NUMA1: variants seen among roughly 807,000 people sequenced by gnomAD.
NUMA1 encodes the protein nuclear mitotic apparatus protein 1, also known as SP-H antigen.
In NUMA1, 62 loss-of-function variants were observed where a neutral mutation model predicts 237.1. The observed-to-expected ratio is 0.26, with a 90% CI of 0.21 to 0.32. The LOEUF (loss-of-function observed/expected upper bound fraction) is 0.32. Ranked by LOEUF, NUMA1 falls within the 10% of genes least tolerant of loss-of-function variation. The pLI, the probability that NUMA1 is intolerant of heterozygous loss-of-function variation, is 1.00. For synonymous variants in NUMA1, 1,028 were observed against 1,066.1 expected, an observed-to-expected ratio of 0.96 and a Z score of 0.70; for missense variants, 2,533 against 2,666.5, an observed-to-expected ratio of 0.95 and a Z score of 1.10.
At chr11:72,067,494 A>C (rs1300887631) in intron 2 of NUMA1, 1 of 152,230 alleles carries the variant, frequency 6.6e-6, no homozygotes, top group Admixed American at 6.5e-5. Context: ...TCTCAGGACC[A>C]ACATGTCCTG....
chr11:72,020,026 C>T (rs991936883), intron 8 of NUMA1, among the ~76,000 whole-genome samples: 1 of 152,192 alleles, frequency 6.6e-6, no homozygotes, highest in Non-Finnish European at 1.5e-5. Context: ...TGGAATTCAT[C>T]CCCCCTGAAG....
chr11:72,018,598 G>T, intron 10 of NUMA1, 85 bp from the exon 11 acceptor site: 1 of 1,251,690 alleles, frequency 8.0e-7, no homozygotes. Context: ...GTGCACAAGG[G>T]GAAGGGAGGA....
chr11:72,023,751 T>C (rs952044466), intron 5 of NUMA1, among the ~76,000 whole-genome samples: 1 of 152,078 alleles, frequency 6.6e-6, no homozygotes, highest in Non-Finnish European at 1.5e-5. Context: ...GTGTTCTTAT[T>C]TAATCCACCC....
chr11:72,032,313 G>A (rs1346066817), intron 3 of NUMA1, among the ~76,000 whole-genome samples: 1 of 151,974 alleles, frequency 6.6e-6, no homozygotes, highest in Admixed American at 6.6e-5. Context: ...AATCTAATTG[G>A]TCAGGACAGG....
rs575927597 is a variant in NUMA1, at chr11:72,016,776, G to C, written c.1120-246C>G. Reference sequence around the variant, plus strand: ...CTTACTACTTCCCCAAGGCTGCTGAGTTTACTTCAAATTTCCTTACCGTAT... The same window carrying C: ...CTTACTACTTCCCCAAGGCTGCTGACTTTACTTCAAATTTCCTTACCGTAT... On this transcript the variant is annotated intron_variant, in intron 13 of 26. Transcript: ENST00000393695. 1.0e-5 allele frequency: 5 copies of C among 484,794 alleles called. No homozygotes were observed. The South Asian group carries it at 1.3e-4, about 13-fold the overall frequency. 30.0% of individuals were successfully genotyped at this position (484,794 alleles called of 1,614,324 possible). A position where few individuals can be genotyped will look rare whatever the true frequency, so the allele number is the denominator to read the frequency against.
At chr11:72,069,691 C>T (rs1943360554) in intron 2 of NUMA1, among the ~76,000 whole-genome samples, 151 bp downstream of exon 2, 1 of 152,178 alleles carries the variant, frequency 6.6e-6, no homozygotes, top group Non-Finnish European at 1.5e-5. Context: ...CTCTGCTCTC[C>T]TCCTACAGTA....
intron 2 of NUMA1, chr11:72,040,487 CACACACACACACACACACACACACTG>C (rs1321030877): frequency 4.6e-5 from 7 of 152,410 alleles, no homozygotes; most frequent in African/African-American, 5.1e-5. Context: ...CACACACACA[CACACACACACACACACACACACACTG>C]ACCTGGGCCC....
At chr11:72,043,958 TAAAC>T (rs1157092285) in intron 2 of NUMA1, among the ~76,000 whole-genome samples, 10 of 152,088 alleles carry the variant, frequency 6.6e-5, no homozygotes, top group African/African-American at 2.4e-4. Flanking sequence ...GACAGATAGA[TAAAC>T]AGAGAGACAG....
chr11:72,062,274 A>G (rs1473255717), intron 2 of NUMA1, among the ~76,000 whole-genome samples: 1 of 152,098 alleles, frequency 6.6e-6, no homozygotes, highest in Non-Finnish European at 1.5e-5. Flanking sequence ...CATTTAGGTA[A>G]TATCAGTGAT....
chr11:72,012,341 A>G (rs1323863622), intron 16 of NUMA1, 60 bp downstream of exon 16: 3 of 1,538,784 alleles, frequency 1.9e-6, no homozygotes, highest in African/African-American at 2.7e-5. Context: ...AGCCGGGCTC[A>G]TGCACCAAGA....
rs533942972 is a variant in NUMA1, at chr11:72,035,787, T to C, written c.42+115A>G. 22 of 923,270 alleles carry C rather than the reference T, an allele frequency of 2.4e-5. No homozygotes were observed. In the African/African-American group the frequency reaches 2.8e-4, roughly 12 times the overall value. 57.2% of individuals were successfully genotyped at this position (923,270 alleles called of 1,614,324 possible). A position where few individuals can be genotyped will look rare whatever the true frequency, so the allele number is the denominator to read the frequency against. ...TTCCATGCTGTCTAAAGGAAAACTA[T>C]TTAGTCTAGAAATGAGAAGACTTTA... On this transcript the variant is annotated intron_variant, in intron 3 of 26. Coordinates refer to ENST00000393695, the MANE Select transcript of NUMA1 (RefSeq NM_006185.4).
Position 72,013,771 on chromosome 11 carries a change from C to T in NUMA1, c.3732G>A (p.Lys1244=), listed in dbSNP as rs2134952015. The T allele has an allele frequency of 1.2e-6, 2 of 1,610,188 alleles. No homozygotes were observed. The highest frequency in any genetic ancestry group is 2.2e-5 in the South Asian group (2 of 91,084). The change falls in exon 15 of 27, where the codon AAG becomes AAA. Residue 1244 remains lysine (K), a synonymous_variant. Transcript: ENST00000393695. This position sits in a 1 kb window ranked among gnomAD's most constrained non-coding sequence, Gnocchi z 6.8. ...VSILNRQVLE[K]EGESKELKRL... ...GCTTCAACTCCTTGCTCTCCCCCTCCTTCTCCAGGACCTGGCGATTCAGGA... is the reference window on the plus strand; with the variant it reads ...GCTTCAACTCCTTGCTCTCCCCCTCTTTCTCCAGGACCTGGCGATTCAGGA...
rs77118379 is a variant in NUMA1 at position 72,012,755 on chromosome 11, C to T, written c.4608+140G>A. The T allele has an allele frequency of 4.8e-3, 6,029 of 1,244,760 alleles. 222 individuals are homozygous for T. In the African/African-American group the frequency reaches 0.082, roughly 17 times the overall value. 77.1% of individuals were successfully genotyped at this position (1,244,760 alleles called of 1,614,324 possible). A position where few individuals can be genotyped will look rare whatever the true frequency, so the allele number is the denominator to read the frequency against. ...AACAGACTTGAACTCCACCAGCCACCTCTCCTTTTCTGCCACCCAGTGAAT... is the reference window on the plus strand; with the variant it reads ...AACAGACTTGAACTCCACCAGCCACTTCTCCTTTTCTGCCACCCAGTGAAT... On this transcript the variant is annotated intron_variant, in intron 15 of 26. Transcript: ENST00000393695.
chr11:72,035,496 C>T (rs1940912098), intron 3 of NUMA1, among the ~76,000 whole-genome samples: 1 of 150,274 alleles, frequency 6.7e-6, no homozygotes. Context: ...CAACCTCCGC[C>T]TCCCGGGTTC....
At chr11:72,060,246 T>C (rs930712265) in intron 2 of NUMA1, among the ~76,000 whole-genome samples, 2 of 152,204 alleles carry the variant, frequency 1.3e-5, no homozygotes, top group African/African-American at 4.8e-5. Context: ...CATTTAAGTA[T>C]TGTCTATGGC....
At chr11:72,076,539 A>G (rs963688631) in intron 1 of NUMA1, 1 of 152,130 alleles carries the variant, frequency 6.6e-6, no homozygotes, top group East Asian at 1.9e-4. Flanking sequence ...TAATCCCAGC[A>G]CTTTGGGAGG....
chr11:72,075,657 T>C (rs756784792), intron 1 of NUMA1, among the ~76,000 whole-genome samples: 21 of 152,190 alleles, frequency 1.4e-4, no homozygotes, highest in Non-Finnish European at 2.8e-4. Context: ...GTTATTATAT[T>C]GAAGTTACTT....
chr11:72,023,879 T>C (rs1248780152), intron 5 of NUMA1, among the ~76,000 whole-genome samples: 1 of 152,202 alleles, frequency 6.6e-6, no homozygotes, highest in Non-Finnish European at 1.5e-5. Flanking sequence ...CCTACACCTA[T>C]CGCCTAAGCA....
At chr11:72,023,905 T>C (rs928112369) in intron 5 of NUMA1, among the ~76,000 whole-genome samples, 4 of 152,204 alleles carry the variant, frequency 2.6e-5, no homozygotes, top group African/African-American at 7.2e-5. Context: ...TTCAAAGTTA[T>C]CTGGGAAAAA....
Sources: allele counts gnomAD v4.1 joint callset (sites outside exome capture counted in the v4.1 genomes callset), GRCh38; gene constraint gnomAD v4.1.1; non-coding constraint Gnocchi (gnomAD v3.1); transcripts MANE v1.5; gene names NCBI Gene and HGNC (gene_info 2026-07-23, HGNC 2026-07-21).